NMS: variants seen among roughly 807,000 people sequenced by gnomAD.
NMS encodes neuromedin S.
In NMS, 30 loss-of-function variants were observed where a neutral mutation model predicts 32.2. The ratio of observed to expected loss-of-function variants is 0.93; its 90% CI spans 0.70 to 1.26. NMS has a LOEUF of 1.26. NMS is among the 50% of genes most tolerant of loss of function. The probability of loss-of-function intolerance (pLI) is 0.00; values close to 1 mark genes in which losing one functional copy is unlikely to be tolerated. For missense variants in NMS, 190 were observed against 186.3 expected (o/e 1.02, Z -0.12); for synonymous variants, 76 against 58.5 (o/e 1.30, Z -1.37).
At chr2:100,473,804 T>C (rs1573234064) in intron 3 of NMS, among the ~76,000 whole-genome samples, 2 of 152,230 alleles carry the variant, frequency 1.3e-5, no homozygotes, top group East Asian at 1.9e-4. Flanking sequence ...GCTAATTATA[T>C]GTTATGATAT....
chr2:100,477,200 C>T lies in NMS; in HGVS notation c.184-44C>T, dbSNP rs144925370. ...CAGAAAACGTTATCCGTTACCTGCC[C>T]CTGTAAAATTTCATCTAACTTACCC... On this transcript the variant is annotated intron_variant, in intron 3 of 9. Coordinates refer to ENST00000376865, the MANE Select transcript of NMS (RefSeq NM_001011717.1). The T allele has an allele frequency of 1.0e-4, 158 of 1,562,616 alleles. 2 individuals are homozygous for T. In the East Asian group the frequency reaches 3.5e-3, roughly 35 times the overall value.
At chr2:100,479,284 C>A in intron 5 of NMS, 69 bp from the exon 6 acceptor site, 1 of 1,170,368 alleles carries the variant, frequency 8.5e-7, no homozygotes, top group Non-Finnish European at 1.2e-6. Flanking sequence ...TGCGCATAGC[C>A]CTGGGCTCTC....
chr2:100,470,571 G>C lies in NMS; in HGVS notation c.76+7G>C, dbSNP rs780150352. Reference sequence around the variant, plus strand: ...CTACAGATTCCCTCCTCAGGTAAGGGGAGCTTCCTCAGACTCCATCTGGCC... The same window carrying C: ...CTACAGATTCCCTCCTCAGGTAAGGCGAGCTTCCTCAGACTCCATCTGGCC... On this transcript the variant is annotated splice_region_variant and intron_variant, in intron 1 of 9. Coordinates refer to ENST00000376865, the MANE Select transcript of NMS (RefSeq NM_001011717.1). The C allele has an allele frequency of 1.9e-6, 3 of 1,610,270 alleles. No homozygotes were observed. Among genetic ancestry groups the C allele is most frequent in the Non-Finnish European group, 2.5e-6 (3 of 1,176,626 alleles).
chr2:100,472,002 G>T (rs988935768), intron 1 of NMS, among the ~76,000 whole-genome samples: 1 of 152,156 alleles, frequency 6.6e-6, no homozygotes, highest in Non-Finnish European at 1.5e-5. Flanking sequence ...ACTGTTATTT[G>T]AATATAACAT....
At chr2:100,471,968 G>A (rs1677013464) in intron 1 of NMS, among the ~76,000 whole-genome samples, 1 of 86,792 alleles carries the variant, frequency 1.2e-5, no homozygotes, top group Non-Finnish European at 2.4e-5. Flanking sequence ...TTCAAGTCAG[G>A]CTATTATCTT....
At chr2:100,473,129 C>T (rs1677038331) in intron 2 of NMS, among the ~76,000 whole-genome samples, 1 of 152,116 alleles carries the variant, frequency 6.6e-6, no homozygotes, top group African/African-American at 2.4e-5. Context: ...TTAAGCTTAT[C>T]TTTGATTCGT....
chr2:100,482,421 A>G (rs1677237043), intron 9 of NMS, 110 bp downstream of exon 9: 1 of 1,043,552 alleles, frequency 9.6e-7, no homozygotes, highest in Non-Finnish European at 1.5e-6. Flanking sequence ...TGTTCAAGAA[A>G]TGAGGACCCT....
At position 100,482,300 on chromosome 2, in the gene NMS, A is replaced by C. The variant is rs201430802; in HGVS notation, c.438A>C (p.Glu146Asp). Reference sequence around the variant, plus strand: ...AGCCCAGGAATGGAAGAAACATTGAAGATGAGGCCCAGTAGGTAGTCCAAG... The same window carrying C: ...AGCCCAGGAATGGAAGAAACATTGACGATGAGGCCCAGTAGGTAGTCCAAG... ...LFRPRNGRNIEDEAQIQW is the reference protein window; with the variant it reads ...LFRPRNGRNIDDEAQIQW Residue 146 changes from glutamate (E) to aspartate (D), a missense_variant, in exon 9 of 10, where the codon GAA (glutamate) becomes GAC (aspartate). Physicochemically the swap from Glu to Asp is conservative, Grantham distance 45. Coordinates refer to ENST00000376865, the MANE Select transcript of NMS (RefSeq NM_001011717.1). The C allele has an allele frequency of 6.1e-5, 99 of 1,614,070 alleles. No homozygotes were observed. The East Asian group carries it at 2.1e-3, about 35-fold the overall frequency.
chr2:100,477,757 G>T (rs1392163949), intron 5 of NMS, among the ~76,000 whole-genome samples: 2 of 152,152 alleles, frequency 1.3e-5, no homozygotes, highest in Non-Finnish European at 2.9e-5. Flanking sequence ...CTGTTTTTAA[G>T]TTTGTGCTTT....
Position 100,482,273 on chromosome 2 carries a change from T to A in NMS, c.415-4T>A. 2 of 1,613,838 alleles carry A rather than the reference T, an allele frequency of 1.2e-6. No homozygotes were observed. The highest frequency in any genetic ancestry group is 1.7e-6 in the Non-Finnish European group (2 of 1,179,804). Reference sequence around the variant, plus strand: ...TATTCATAAGTTGCTCCTTTTTTTTTCAGCCCAGGAATGGAAGAAACATTG... The same window carrying A: ...TATTCATAAGTTGCTCCTTTTTTTTACAGCCCAGGAATGGAAGAAACATTG... On this transcript the variant is annotated splice_region_variant and splice_polypyrimidine_tract_variant and intron_variant, in intron 8 of 9. Coordinates refer to ENST00000376865, the MANE Select transcript of NMS (RefSeq NM_001011717.1).
intron 3 of NMS, among the ~76,000 whole-genome samples, chr2:100,474,621 G>T (rs138098418): frequency 1.3e-5 from 2 of 152,202 alleles, no homozygotes; most frequent in African/African-American, 4.8e-5. Flanking sequence ...CCAGAATGCT[G>T]TTGTAAGGAT....
intron 9 of NMS, among the ~76,000 whole-genome samples, chr2:100,482,972 A>G (rs1185361680): frequency 6.6e-6 from 1 of 152,200 alleles, no homozygotes; most frequent in African/African-American, 2.4e-5. Flanking sequence ...CAAGGCGTCT[A>G]AGAAAGCTGT....
intron 1 of NMS, among the ~76,000 whole-genome samples, chr2:100,472,214 C>G (rs542721404): frequency 6.6e-6 from 1 of 152,228 alleles, no homozygotes; most frequent in South Asian, 2.1e-4. Flanking sequence ...TTGATTCTTT[C>G]GACTGCACTA....
At chr2:100,482,744 G>A (rs1677244055) in intron 9 of NMS, among the ~76,000 whole-genome samples, 1 of 152,136 alleles carries the variant, frequency 6.6e-6, no homozygotes, top group African/African-American at 2.4e-5. Context: ...TTCTAAGTAC[G>A]GCCAGGCAAG....
At chr2:100,477,294 T>G (rs781660245) in intron 4 of NMS, 27 bp downstream of exon 4, 9 of 1,611,252 alleles carry the variant, frequency 5.6e-6, no homozygotes, top group Non-Finnish European at 5.9e-6. Context: ...CCTGTACAAG[T>G]GCATGCAGCT....
intron 1 of NMS, among the ~76,000 whole-genome samples, chr2:100,471,560 T>TTTTTGTAATAACATA (rs1409929274): frequency 6.6e-6 from 1 of 152,232 alleles, no homozygotes; most frequent in Non-Finnish European, 1.5e-5. Flanking sequence ...TTATATTACA[T>TTTTTGTAATAACATA]TTTTGTAAAT....
Position 100,473,473 on chromosome 2 carries a change from T to C in NMS, c.133-16T>C. The C allele has an allele frequency of 1.4e-6, 2 of 1,477,078 alleles. No homozygotes were observed. The highest frequency in any genetic ancestry group is 1.8e-6 in the Non-Finnish European group (2 of 1,100,538). The allele number at this position is 1,477,078 out of a possible 1,614,324, so 91.5% of individuals were successfully genotyped here. A position where few individuals can be genotyped will look rare whatever the true frequency, so the allele number is the denominator to read the frequency against. On this transcript the variant is annotated splice_polypyrimidine_tract_variant and intron_variant, in intron 2 of 9. Coordinates refer to ENST00000376865, the MANE Select transcript of NMS (RefSeq NM_001011717.1). ...CCCTCATCCCTTTGATTTGTTTTCTTCATTTTATTTTTTAGCAGCTGGCAT... is the reference window on the plus strand; with the variant it reads ...CCCTCATCCCTTTGATTTGTTTTCTCCATTTTATTTTTTAGCAGCTGGCAT...
chr2:100,481,131 C>T lies in NMS; in HGVS notation c.378C>T (p.His126=), dbSNP rs769127334. The T allele has an allele frequency of 4.3e-6, 7 of 1,613,994 alleles. No individual in the cohort carries two copies. Among genetic ancestry groups the T allele is most frequent in the Non-Finnish European group, 5.1e-6 (6 of 1,179,982 alleles). ...TAAVDFTKKD[H]TATWGRPFFL... ...TGTGTTTCTATATGTTGCAGGATCA[C>T]ACTGCGACCTGGGGACGACCCTTTT... Residue 126 remains histidine, a synonymous_variant, in exon 8 of 10, where the codon CAC becomes CAT. Coordinates refer to ENST00000376865, the MANE Select transcript of NMS (RefSeq NM_001011717.1).
chr2:100,476,720 C>T (rs943627055), intron 3 of NMS, among the ~76,000 whole-genome samples: 12 of 152,134 alleles, frequency 7.9e-5, no homozygotes, highest in Admixed American at 7.9e-4. Flanking sequence ...CAGATAAGCG[C>T]ACATGCAGCC....
Sources: gnomAD v4.1 joint callset for allele counts (sites outside exome capture counted in the v4.1 genomes callset) on GRCh38, gnomAD v4.1.1 for gene constraint, MANE v1.5 for transcripts, NCBI Gene and HGNC (gene_info 2026-07-23, HGNC 2026-07-21) for gene names.